Variants in CRTAM observed in about 807,000 individuals in gnomAD.
CRTAM encodes cytotoxic and regulatory T cell molecule.
In CRTAM, 44 loss-of-function variants were observed where a neutral mutation model predicts 50.0. The observed-to-expected ratio is 0.88, with a 90% CI of 0.69 to 1.13. CRTAM has a LOEUF of 1.13. Among genes scored for constraint, CRTAM ranks in the 50% most tolerant of loss-of-function variants. The pLI is 0.00. For missense variants in CRTAM, 448 were observed against 457.5 expected, an observed-to-expected ratio of 0.98 and a Z score of 0.19; for synonymous variants, 159 against 169.3, an observed-to-expected ratio of 0.94 and a Z score of 0.47.
At chr11:122,852,379 C>A (rs1395017124) in intron 3 of CRTAM, among the ~76,000 whole-genome samples, 1 of 152,180 alleles carries the variant, frequency 6.6e-6, no homozygotes, top group Non-Finnish European at 1.5e-5. Flanking sequence ...AAGTGACAGC[C>A]TCCTAATTAC....
intron 1 of CRTAM, among the ~76,000 whole-genome samples, chr11:122,842,890 A>C (rs745403358): frequency 6.6e-6 from 1 of 152,184 alleles, no homozygotes; most frequent in Non-Finnish European, 1.5e-5. Flanking sequence ...GGGACAGTAG[A>C]GATAACGAGT....
At chr11:122,865,069 T>C (rs1027600815) in intron 7 of CRTAM, among the ~76,000 whole-genome samples, 3 of 152,056 alleles carry the variant, frequency 2.0e-5, no homozygotes, top group African/African-American at 7.2e-5. Flanking sequence ...AGAGTTTCTT[T>C]CTTGTTGCCC....
At chr11:122,856,798 G>T (rs1268584898) in intron 5 of CRTAM, among the ~76,000 whole-genome samples, 1 of 152,154 alleles carries the variant, frequency 6.6e-6, no homozygotes, top group Non-Finnish European at 1.5e-5. Flanking sequence ...AACTTTCCAT[G>T]GGTCACTTTC....
intron 5 of CRTAM, among the ~76,000 whole-genome samples, chr11:122,859,089 A>G (rs1426360467): frequency 2.0e-5 from 3 of 152,204 alleles, no homozygotes; most frequent in African/African-American, 7.2e-5. Flanking sequence ...AATCTGCTAC[A>G]TGTTAACAGA....
In CRTAM at chr11:122,871,813, C is replaced by G. The variant is rs577141272; in HGVS notation, c.*414C>G. 6.6e-6 allele frequency: 1 copy of G among 152,272 alleles called. No individual in the cohort carries two copies. Among genetic ancestry groups the G allele is most frequent in the South Asian group, 2.1e-4 (1 of 4,802 alleles). 9.4% of individuals were successfully genotyped at this position (152,272 alleles called of 1,614,324 possible). A position where few individuals can be genotyped will look rare whatever the true frequency, so the allele number is the denominator to read the frequency against. ...TCACAAAATAAAGAAATTTGGGATG[C>G]AAAGTACCTAAAGATCTCTGATCCT... On this transcript the variant is annotated 3_prime_UTR_variant, in exon 10 of 10. Transcript: ENST00000227348.
intron 2 of CRTAM, among the ~76,000 whole-genome samples, chr11:122,850,611 C>T (rs1423704952): frequency 1.3e-5 from 2 of 152,220 alleles, no homozygotes; most frequent in African/African-American, 2.4e-5. Context: ...CCAGCTGCTT[C>T]GTTTTCCATC....
At position 122,854,094 on chromosome 11, in the gene CRTAM, G is replaced by A. The variant is rs1232583391; in HGVS notation, c.490+8G>A. On this transcript the variant is annotated splice_region_variant and intron_variant, in intron 4 of 9. Coordinates refer to ENST00000227348, the MANE Select transcript of CRTAM (RefSeq NM_019604.4). The stretch of plus-strand genomic sequence containing the variant: ...ATAGCATGGAAGTGTCCGGTAAGGG[G>A]AGAAATGGTTCTCTTTGTCTTCCTT... The A allele has an allele frequency of 2.5e-6, 4 of 1,607,936 alleles. No homozygotes were observed. The highest frequency in any genetic ancestry group is 1.3e-5 in the African/African-American group (1 of 74,624).
chr11:122,853,910 CTAAT>C (rs1358141108), intron 3 of CRTAM, 29 bp from the exon 4 acceptor site: 2 of 1,606,866 alleles, frequency 1.2e-6, no homozygotes. Flanking sequence ...AGACTCATAT[CTAAT>C]TAACACAGAA....
At chr11:122,864,611 C>G in intron 6 of CRTAM, 25 bp from the exon 7 acceptor site, 2 of 1,531,224 alleles carry the variant, frequency 1.3e-6, no homozygotes, top group Non-Finnish European at 1.8e-6. Context: ...ATGCATAGCT[C>G]ATGTTTTATC....
chr11:122,859,487 T>C (rs1344946490), intron 5 of CRTAM, among the ~76,000 whole-genome samples: 1 of 152,200 alleles, frequency 6.6e-6, no homozygotes, highest in Non-Finnish European at 1.5e-5. Context: ...TGTCATTTTT[T>C]TACATTTTGA....
chr11:122,846,655 TTC>T (rs1357354245), intron 1 of CRTAM, among the ~76,000 whole-genome samples: 4 of 152,206 alleles, frequency 2.6e-5, no homozygotes, highest in Admixed American at 2.6e-4. Flanking sequence ...TCTCTGTCTT[TTC>T]ATCAAATAAT....
At chr11:122,843,270 G>A (rs972004249) in intron 1 of CRTAM, among the ~76,000 whole-genome samples, 5 of 152,154 alleles carry the variant, frequency 3.3e-5, no homozygotes, top group African/African-American at 9.7e-5. Flanking sequence ...AAGGTCACAG[G>A]TTCCATTTCC....
chr11:122,867,615 A>G (rs1192465361), intron 8 of CRTAM, 60 bp downstream of exon 8: 17 of 1,538,862 alleles, frequency 1.1e-5, no homozygotes, highest in Non-Finnish European at 1.4e-5. Context: ...GCTAAAAAAA[A>G]GGGAAATTCT....
intron 6 of CRTAM, among the ~76,000 whole-genome samples, chr11:122,863,331 AAG>A (rs1355445069): frequency 6.6e-5 from 6 of 90,238 alleles, no homozygotes; most frequent in Non-Finnish European, 1.2e-4. Context: ...AAAAGAAAGA[AAG>A]AAAGAAAGAA....
chr11:122,853,831 C>A, intron 3 of CRTAM, 112 bp from the exon 4 acceptor site: 2 of 921,824 alleles, frequency 2.2e-6, no homozygotes, highest in South Asian at 2.8e-5. Context: ...AAAGAAAGCC[C>A]ATTAATTAGA....
At chr11:122,852,445 CTTGTT>C (rs913009535) in intron 3 of CRTAM, among the ~76,000 whole-genome samples, 4 of 152,166 alleles carry the variant, frequency 2.6e-5, no homozygotes, top group Admixed American at 6.5e-5. Flanking sequence ...TCTATCCTTA[CTTGTT>C]TTGTTTTTTG....
intron 3 of CRTAM, among the ~76,000 whole-genome samples, chr11:122,852,131 A>C (rs146452253): frequency 3.3e-5 from 5 of 152,364 alleles, no homozygotes; most frequent in Non-Finnish European, 5.9e-5. Flanking sequence ...ACTATGCGCC[A>C]GGCACCATGT....
chr11:122,868,124 T>A (rs1268781253), intron 9 of CRTAM, 25 bp downstream of exon 9: 1 of 1,415,158 alleles, frequency 7.1e-7, no homozygotes, highest in Non-Finnish European at 1.0e-6. Flanking sequence ...TGACCTGAGA[T>A]CTGAACAATG....
At chr11:122,857,873 A>G (rs917375770) in intron 5 of CRTAM, among the ~76,000 whole-genome samples, 2 of 152,162 alleles carry the variant, frequency 1.3e-5, no homozygotes, top group Non-Finnish European at 2.9e-5. Context: ...GAGTAGAGCA[A>G]CAGGAATTGA....
Sources: gnomAD v4.1 joint callset for allele counts (sites outside exome capture counted in the v4.1 genomes callset) on GRCh38, gnomAD v4.1.1 for gene constraint, MANE v1.5 for transcripts, NCBI Gene and HGNC (gene_info 2026-07-23, HGNC 2026-07-21) for gene names.